The following RIC1 variants were observed in gnomAD, a reference collection of about 807,000 sequenced individuals.
The protein encoded by RIC1 is guanine nucleotide exchange factor subunit RIC1.
In RIC1, 88 loss-of-function variants were observed where a neutral mutation model predicts 169.0. The ratio of observed to expected loss-of-function variants is 0.52; its 90% CI spans 0.44 to 0.62. The LOEUF (loss-of-function observed/expected upper bound fraction) is 0.62. RIC1 is among the 20% of genes least tolerant of loss of function. The pLI, the probability that RIC1 is intolerant of heterozygous loss-of-function variation, is 0.00. For missense variants in RIC1, 1,877 were observed against 1,725.5 expected (o/e 1.09, Z -1.56); for synonymous variants, 790 against 601.5 (o/e 1.31, Z -4.59).
intron 1 of RIC1, among the ~76,000 whole-genome samples, chr9:5,655,198 T>C (rs1819018475): frequency 6.6e-6 from 1 of 152,246 alleles, no homozygotes; most frequent in East Asian, 1.9e-4. Context: ...AGGTTTCTCA[T>C]AGATCTTCTT....
intron 2 of RIC1, among the ~76,000 whole-genome samples, chr9:5,689,044 C>CTTTTTTTTTTTT (rs34717277): frequency 1.0e-5 from 1 of 99,056 alleles, no homozygotes; most frequent in Non-Finnish European, 1.8e-5. Context: ...AATACAATTT[C>CTTTTTTTTTTTT]TTTTTTTTTT....
intron 12 of RIC1, 146 bp from the exon 13 acceptor site, chr9:5,753,054 A>G: frequency 1.5e-6 from 1 of 653,478 alleles, no homozygotes; most frequent in Non-Finnish European, 2.7e-6. Context: ...TTCATATACA[A>G]ATGGTAAATT....
chr9:5,771,120 G>T (rs185574692), intron 23 of RIC1, among the ~76,000 whole-genome samples: 6 of 152,188 alleles, frequency 3.9e-5, no homozygotes, highest in Non-Finnish European at 8.8e-5. Context: ...AGAGTTTGTA[G>T]TGTTAATTAT....
chr9:5,753,347 TC>T, intron 13 of RIC1, 109 bp downstream of exon 13: 1 of 1,034,992 alleles, frequency 9.7e-7, no homozygotes, highest in Non-Finnish European at 1.5e-6. Context: ...AAACTCTTGA[TC>T]TATTGTAACA....
chr9:5,680,157 A>T (rs572364430), intron 2 of RIC1, among the ~76,000 whole-genome samples: 1 of 152,100 alleles, frequency 6.6e-6, no homozygotes, highest in Non-Finnish European at 1.5e-5. Flanking sequence ...TGATTTTCGT[A>T]TGTTGAACCA....
At chr9:5,709,166 A>G (rs1369125540) in intron 3 of RIC1, among the ~76,000 whole-genome samples, 2 of 152,142 alleles carry the variant, frequency 1.3e-5, no homozygotes, top group Non-Finnish European at 1.5e-5. Flanking sequence ...TTCCCCTCAT[A>G]TTTTATAGGC....
intron 2 of RIC1, among the ~76,000 whole-genome samples, chr9:5,676,971 C>CA (rs1424842887): frequency 6.6e-6 from 1 of 152,110 alleles, no homozygotes; most frequent in Non-Finnish European, 1.5e-5. Flanking sequence ...CTGTAACAAA[C>CA]AAAACTACAT....
chr9:5,679,646 G>A (rs968091119), intron 2 of RIC1, among the ~76,000 whole-genome samples: 1 of 152,076 alleles, frequency 6.6e-6, no homozygotes, highest in Non-Finnish European at 1.5e-5. Flanking sequence ...GTGTTTGTCT[G>A]TTATTGGTGT....
chr9:5,768,338 C>A (rs1826942472), intron 21 of RIC1, among the ~76,000 whole-genome samples: 1 of 152,088 alleles, frequency 6.6e-6, no homozygotes, highest in African/African-American at 2.4e-5. Flanking sequence ...TGAGTCTGGG[C>A]AACACAGCAA....
chr9:5,756,794 C>G (rs888753424), intron 16 of RIC1, among the ~76,000 whole-genome samples: 1 of 152,168 alleles, frequency 6.6e-6, no homozygotes, highest in Non-Finnish European at 1.5e-5. Context: ...TGGCTGTAGT[C>G]TGGGGCAGTA....
chr9:5,716,952 C>G (rs938910133), intron 4 of RIC1, among the ~76,000 whole-genome samples: 13 of 152,202 alleles, frequency 8.5e-5, no homozygotes, highest in African/African-American at 2.9e-4. Context: ...ATTATAGGCA[C>G]AAGCCACCAC....
At chr9:5,652,317 C>A (rs1440640839) in intron 1 of RIC1, among the ~76,000 whole-genome samples, 2 of 152,184 alleles carry the variant, frequency 1.3e-5, no homozygotes, top group South Asian at 2.1e-4. Flanking sequence ...GACAATTTAA[C>A]AGTATTAATT....
chr9:5,699,315 G>T (rs562714848), intron 3 of RIC1, among the ~76,000 whole-genome samples: 9 of 152,164 alleles, frequency 5.9e-5, no homozygotes, highest in Non-Finnish European at 1.0e-4. Context: ...GAGCGAGTGT[G>T]GGGTATGTGT....
At chr9:5,720,388 T>G (rs1488211312) in intron 5 of RIC1, 64 bp downstream of exon 5, 1 of 1,472,970 alleles carries the variant, frequency 6.8e-7, no homozygotes, top group African/African-American at 1.4e-5. Context: ...GTTAGGTATC[T>G]TCTATGGATG....
At chr9:5,737,667 C>A (rs906062547) in intron 7 of RIC1, among the ~76,000 whole-genome samples, 3 of 151,776 alleles carry the variant, frequency 2.0e-5, no homozygotes, top group African/African-American at 7.2e-5. Context: ...GTACCAACCC[C>A]CCAACACAGT....
At chr9:5,707,002 T>C (rs1822631660) in intron 3 of RIC1, among the ~76,000 whole-genome samples, 1 of 152,140 alleles carries the variant, frequency 6.6e-6, no homozygotes, top group South Asian at 2.1e-4. Flanking sequence ...AGGTTACTGA[T>C]TTGAAATCTT....
At chr9:5,674,602 T>A (rs894923223) in intron 2 of RIC1, among the ~76,000 whole-genome samples, 5 of 152,192 alleles carry the variant, frequency 3.3e-5, no homozygotes, top group African/African-American at 1.2e-4. Flanking sequence ...TAACTACAGA[T>A]AAAAGGTTAG....
intron 1 of RIC1, among the ~76,000 whole-genome samples, chr9:5,652,768 A>G (rs1313786858): frequency 6.6e-6 from 1 of 151,974 alleles, no homozygotes; most frequent in Non-Finnish European, 1.5e-5. Context: ...GAAAGATAGT[A>G]TCCTTGTCTT....
intron 2 of RIC1, among the ~76,000 whole-genome samples, chr9:5,661,990 T>G (rs1342641555): frequency 1.3e-5 from 2 of 152,218 alleles, no homozygotes; most frequent in Admixed American, 1.3e-4. Flanking sequence ...CTCTTATTAT[T>G]TTGAAGTATG....
Sources: gnomAD v4.1 joint callset for allele counts (sites outside exome capture counted in the v4.1 genomes callset) on GRCh38, gnomAD v4.1.1 for gene constraint, MANE v1.5 for transcripts, NCBI Gene and HGNC (gene_info 2026-07-23, HGNC 2026-07-21) for gene names.